The following OSBPL9 variants were observed in gnomAD, a reference collection of about 807,000 sequenced individuals.
The protein encoded by OSBPL9 is oxysterol binding protein like 9, also known as oxysterol-binding protein-related protein 9.
A neutral mutation model predicts 106.6 loss-of-function variants in OSBPL9; 40 were observed. The observed-to-expected ratio is 0.38, with a 90% CI of 0.29 to 0.49. The LOEUF is 0.49. Among genes scored for constraint, OSBPL9 ranks in the 20% least tolerant of loss-of-function variants. The pLI is 0.97. For synonymous variants in OSBPL9, 269 were observed against 295.4 expected (o/e 0.91, Z 0.92); for missense variants, 609 against 887.2 (o/e 0.69, Z 3.98).
At chr1:51,652,119 A>G in intron 2 of OSBPL9, 78 bp downstream of exon 2, 1 of 1,146,796 alleles carries the variant, frequency 8.7e-7, no homozygotes, top group South Asian at 1.4e-5. Context: ...GGAAGTCTAA[A>G]TTTAGTTTAG....
At chr1:51,565,056 G>C in the OSBPL9 span, among the ~76,000 whole-genome samples, 2 of 151,946 alleles carry the variant, frequency 1.3e-5, no homozygotes, top group African/African-American at 4.8e-5. Flanking sequence ...CCAAGGATTG[G>C]GGCCCTTTGC....
At chr1:51,579,859 T>A (rs1408297974) in intron 1 of OSBPL9, among the ~76,000 whole-genome samples, 1 of 130,970 alleles carries the variant, frequency 7.6e-6, no homozygotes, top group East Asian at 2.0e-4. Context: ...TGTCTCAAAA[T>A]AATAATAATA....
chr1:51,682,809 C>A (rs1652867618), intron 3 of OSBPL9, among the ~76,000 whole-genome samples: 2 of 151,206 alleles, frequency 1.3e-5, no homozygotes, highest in Admixed American at 1.3e-4. Flanking sequence ...GAATACTCTT[C>A]AACTTTATTT....
intron 4 of OSBPL9, among the ~76,000 whole-genome samples, chr1:51,721,099 G>A (rs1448970105): frequency 6.6e-6 from 1 of 151,614 alleles, no homozygotes; most frequent in Non-Finnish European, 1.5e-5. Context: ...ACACCTGGCT[G>A]AAATTGGAAT....
At chr1:51,594,561 G>A (rs139046103) in intron 1 of OSBPL9, among the ~76,000 whole-genome samples, 1 of 152,310 alleles carries the variant, frequency 6.6e-6, no homozygotes, top group East Asian at 1.9e-4. Flanking sequence ...TGCCAACTGT[G>A]TGCTCCAACT....
intron 2 of OSBPL9, among the ~76,000 whole-genome samples, chr1:51,603,669 G>T (rs1337178352): frequency 6.6e-6 from 1 of 152,144 alleles, no homozygotes; most frequent in Non-Finnish European, 1.5e-5. Context: ...TATTTTAGGA[G>T]ATACTAGTAG....
At chr1:51,590,168 A>T (rs1645267405) in intron 1 of OSBPL9, among the ~76,000 whole-genome samples, 1 of 152,190 alleles carries the variant, frequency 6.6e-6, no homozygotes, top group Non-Finnish European at 1.5e-5. Context: ...AGAATGATAC[A>T]ATCTGATTTA....
the OSBPL9 span, among the ~76,000 whole-genome samples, chr1:51,555,881 C>T: frequency 4.6e-5 from 7 of 152,078 alleles, no homozygotes; most frequent in Admixed American, 3.9e-4. Flanking sequence ...AGATTCTATA[C>T]GATGCAGATC....
intron 1 of OSBPL9, among the ~76,000 whole-genome samples, chr1:51,649,390 C>T (rs1357221788): frequency 3.3e-5 from 5 of 152,152 alleles, no homozygotes; most frequent in East Asian, 3.8e-4. Flanking sequence ...GGATTACAAG[C>T]GTGAGCCACT....
intron 4 of OSBPL9, among the ~76,000 whole-genome samples, chr1:51,731,239 C>G (rs1664321759): frequency 6.6e-6 from 1 of 151,382 alleles, no homozygotes; most frequent in Admixed American, 6.6e-5. Context: ...AGCTGGAGAC[C>G]AGCCTGGGCA....
intron 8 of OSBPL9, among the ~76,000 whole-genome samples, chr1:51,753,207 T>G (rs1305584328): frequency 2.0e-5 from 3 of 152,216 alleles, no homozygotes; most frequent in Non-Finnish European, 4.4e-5. Context: ...AACAGTCAAC[T>G]TTGCATAGTC....
chr1:51,779,952 C>T (rs1319292041), intron 15 of OSBPL9, among the ~76,000 whole-genome samples: 1 of 151,972 alleles, frequency 6.6e-6, no homozygotes, highest in African/African-American at 2.4e-5. Context: ...GTGGCAGGTG[C>T]CTGTAGTCCC....
the OSBPL9 span, among the ~76,000 whole-genome samples, chr1:51,526,794 G>T: frequency 0.019 from 2,842 of 151,754 alleles, 90 homozygotes; most frequent in African/African-American, 0.064. Flanking sequence ...CACCAGGCTG[G>T]AGTGCAGTGG....
At chr1:51,680,927 A>C (rs1425919443) in intron 3 of OSBPL9, among the ~76,000 whole-genome samples, 3 of 152,082 alleles carry the variant, frequency 2.0e-5, no homozygotes, top group South Asian at 2.1e-4. Context: ...CCTCATCAGC[A>C]CTTAGTATTA....
the OSBPL9 span, chr1:51,567,753 C>T: frequency 6.6e-6 from 1 of 152,358 alleles, no homozygotes; most frequent in East Asian, 1.9e-4. Context: ...CACACTCACC[C>T]TGCACTTGAT....
At position 51,682,629 on chromosome 1, in the gene OSBPL9, G is replaced by A. The variant is rs1363636031; in HGVS notation, c.241+13117G>A. ...AAAAATTAGCCAGGCCTGGTGGCGC[G>A]CGCCTATAATCCCAGCTACTCAGGA... On this transcript the variant is annotated intron_variant, in intron 3 of 23. Coordinates refer to ENST00000428468, the MANE Select transcript of OSBPL9 (RefSeq NM_024586.6). 4.6e-5 allele frequency among the ~76,000 whole-genome samples: 7 copies of A among 151,850 alleles called. No homozygotes were observed. The South Asian group carries it at 1.5e-3, about 32-fold the overall frequency.
rs151331314 is a variant in OSBPL9 at position 51,695,340 on chromosome 1, T to C, written c.242-18663T>C. ...ACCACCATTGTTCTTACAGCATCAT[T>C]GCAAACATGACAAACGCAGATTATG... is the stretch of plus-strand genomic sequence containing the variant. On this transcript the variant is annotated intron_variant, in intron 3 of 23. Coordinates refer to ENST00000428468, the MANE Select transcript of OSBPL9 (RefSeq NM_024586.6). Among the ~76,000 whole-genome samples, 416 of 152,326 alleles carry C rather than the reference T, an allele frequency of 2.7e-3. 6 individuals carry two copies. Among genetic ancestry groups the C allele is most frequent in the African/African-American group, 9.6e-3 (400 of 41,576 alleles).
At position 51,746,773 on chromosome 1, in the gene OSBPL9, G is replaced by T. The variant is rs1240289645; in HGVS notation, c.462+16G>T. On this transcript the variant is annotated intron_variant, in intron 6 of 23. Transcript: ENST00000428468. The stretch of plus-strand genomic sequence containing the variant: ...ACAGAGAAAGGTAACTTCCATAACC[G>T]TGCTTTTGACGTTAAAAATTTTAAA... The T allele has an allele frequency of 6.3e-7, 1 of 1,593,110 alleles. No individual in the cohort carries two copies. The highest frequency in any genetic ancestry group is 8.5e-7 in the Non-Finnish European group (1 of 1,170,144).
intron 4 of OSBPL9, among the ~76,000 whole-genome samples, chr1:51,721,586 T>C (rs1445787014): frequency 1.3e-5 from 2 of 152,240 alleles, no homozygotes; most frequent in East Asian, 1.9e-4. Context: ...ATGGATTATG[T>C]GTCTGAGTAG....
Sources: allele counts gnomAD v4.1 joint callset (sites outside exome capture counted in the v4.1 genomes callset), GRCh38; gene constraint gnomAD v4.1.1; transcripts MANE v1.5; gene names NCBI Gene and HGNC (gene_info 2026-07-23, HGNC 2026-07-21).